SLC24A2: variants seen among roughly 807,000 people sequenced by gnomAD.
The protein encoded by SLC24A2 is solute carrier family 24 member 2.
SLC24A2 carries 36 observed loss-of-function variants against 62.0 expected under a neutral mutation model. The observed-to-expected ratio is 0.58, with a 90% CI of 0.44 to 0.77. The LOEUF (loss-of-function observed/expected upper bound fraction) is 0.77, where lower values mean the gene tolerates loss of function less well. SLC24A2 is among the 30% of genes least tolerant of loss of function. The pLI is 0.00. For synonymous variants in SLC24A2, 358 were observed against 294.0 expected (o/e 1.22, Z -2.23); for missense variants, 846 against 817.9 (o/e 1.03, Z -0.42).
chr9:20,004,687 T>C, the SLC24A2 span, among the ~76,000 whole-genome samples: 1 of 152,254 alleles, frequency 6.6e-6, no homozygotes, highest in Admixed American at 6.5e-5. Context: ...TTTGGTTTTG[T>C]ATATGTGTTC....
Position 19,631,113 on chromosome 9 carries a change from A to G in SLC24A2, c.931-8814T>C, listed in dbSNP as rs191919292. On this transcript the variant is annotated intron_variant, in intron 2 of 10. Transcript: ENST00000341998. ...GAGCACCCTTCTGAGGGCAGAGACCATGTCTATTTCATTTGATATTATTCC... is the reference window on the plus strand; with the variant it reads ...GAGCACCCTTCTGAGGGCAGAGACCGTGTCTATTTCATTTGATATTATTCC... 2.4e-3 allele frequency among the ~76,000 whole-genome samples: 370 copies of G among 152,288 alleles called. 2 individuals carry two copies. Among genetic ancestry groups the G allele is most frequent in the Non-Finnish European group, 3.7e-3 (254 of 68,030 alleles).
At chr9:19,730,945 C>A (rs933079690) in intron 2 of SLC24A2, among the ~76,000 whole-genome samples, 1 of 151,902 alleles carries the variant, frequency 6.6e-6, no homozygotes, top group African/African-American at 2.4e-5. Context: ...ATCTTTCAAG[C>A]ACCTGACCTA....
intron 7 of SLC24A2, among the ~76,000 whole-genome samples, chr9:19,565,169 A>G (rs1835595586): frequency 1.3e-5 from 2 of 152,142 alleles, no homozygotes; most frequent in Admixed American, 1.3e-4. Context: ...AGGAAGTCAA[A>G]TTGTCCCTGT....
At chr9:19,995,454 GC>G in the SLC24A2 span, among the ~76,000 whole-genome samples, 1 of 152,078 alleles carries the variant, frequency 6.6e-6, no homozygotes, top group Non-Finnish European at 1.5e-5. Context: ...CATCCTATGA[GC>G]CACAGGACTT....
chr9:19,854,223 CTATT>C, the SLC24A2 span, among the ~76,000 whole-genome samples: 1 of 151,964 alleles, frequency 6.6e-6, no homozygotes, highest in African/African-American at 2.4e-5. Context: ...AGCAGTCTAT[CTATT>C]TGATTAATTT....
chr9:19,771,995 C>A (rs1388279560), intron 2 of SLC24A2, among the ~76,000 whole-genome samples: 2 of 152,162 alleles, frequency 1.3e-5, no homozygotes, highest in Non-Finnish European at 2.9e-5. Context: ...GACAGCAAAA[C>A]AGGCAAAGTT....
chr9:20,196,416 G>A, the SLC24A2 span, among the ~76,000 whole-genome samples: 48 of 152,296 alleles, frequency 3.2e-4, no homozygotes, highest in East Asian at 9.6e-4. Context: ...ACATAGGCTG[G>A]ATATTTTGCT....
the SLC24A2 span, among the ~76,000 whole-genome samples, chr9:20,147,727 GGTCA>G: frequency 0.022 from 3,306 of 152,046 alleles, 198 homozygotes; most frequent in East Asian, 0.2. Context: ...GATGGCCCGT[GGTCA>G]GTATCAACTC....
At chr9:19,950,843 A>C in the SLC24A2 span, among the ~76,000 whole-genome samples, 1 of 152,072 alleles carries the variant, frequency 6.6e-6, no homozygotes, top group Non-Finnish European at 1.5e-5. Context: ...GGAAGTGAAA[A>C]ATAGATTGAA....
At chr9:20,229,600 A>G in the SLC24A2 span, among the ~76,000 whole-genome samples, 1 of 152,120 alleles carries the variant, frequency 6.6e-6, no homozygotes, top group Non-Finnish European at 1.5e-5. Flanking sequence ...ACATTTGTCA[A>G]CTTTTCCTTT....
rs574025748 is a variant in SLC24A2 at position 19,648,828 on chromosome 9, T to C, written c.931-26529A>G. On this transcript the variant is annotated intron_variant, in intron 2 of 10. Transcript: ENST00000341998. ...TTCAGTTTCACAGACTGAATCTGTA[T>C]GCAGTTTCACACAGACCACCCACGT... Among the ~76,000 whole-genome samples the C allele has an allele frequency of 5.3e-4, 80 of 152,194 alleles. 2 individuals carry two copies. The South Asian group carries it at 0.013, about 24-fold the overall frequency.
intron 2 of SLC24A2, among the ~76,000 whole-genome samples, chr9:19,754,067 C>T (rs977338635): frequency 1.3e-5 from 2 of 152,164 alleles, no homozygotes; most frequent in East Asian, 1.9e-4. Context: ...ATCCTTTCCA[C>T]AACATTAACA....
chr9:19,588,389 T>C (rs1000634379), intron 5 of SLC24A2, among the ~76,000 whole-genome samples: 1 of 152,134 alleles, frequency 6.6e-6, no homozygotes, highest in South Asian at 2.1e-4. Context: ...CAACTTGCAG[T>C]GTGCTTCTCA....
the SLC24A2 span, among the ~76,000 whole-genome samples, chr9:20,086,508 C>T: frequency 1.3e-5 from 2 of 152,166 alleles, no homozygotes; most frequent in Admixed American, 6.5e-5. Context: ...GTGTCACTTC[C>T]TTAACCACTG....
At chr9:20,162,962 G>T in the SLC24A2 span, among the ~76,000 whole-genome samples, 1 of 152,038 alleles carries the variant, frequency 6.6e-6, no homozygotes, top group Non-Finnish European at 1.5e-5. Context: ...AATAAATTAG[G>T]TATTGATGGG....
rs541221041 is a variant in SLC24A2, at chr9:19,652,909, A to G, written c.931-30610T>C. Among the ~76,000 whole-genome samples, 4 of 152,250 alleles carry G rather than the reference A, an allele frequency of 2.6e-5. No individual in the cohort carries two copies. The East Asian group carries it at 7.7e-4, about 29-fold the overall frequency. ...CCAGGCACTGTGATTATGTGAGCAGAACGATGAGACAAACCTTCTCTTCCA... is the reference window on the plus strand; with the variant it reads ...CCAGGCACTGTGATTATGTGAGCAGGACGATGAGACAAACCTTCTCTTCCA... On this transcript the variant is annotated intron_variant, in intron 2 of 10. Coordinates refer to ENST00000341998, the MANE Select transcript of SLC24A2 (RefSeq NM_020344.4).
At chr9:19,779,809 G>A (rs183568172) in intron 2 of SLC24A2, among the ~76,000 whole-genome samples, 1 of 152,238 alleles carries the variant, frequency 6.6e-6, no homozygotes, top group African/African-American at 2.4e-5. Flanking sequence ...CCTGTAATCC[G>A]AGCATTTTGG....
intron 2 of SLC24A2, among the ~76,000 whole-genome samples, chr9:19,700,312 G>A (rs907338349): frequency 6.6e-6 from 1 of 152,130 alleles, no homozygotes; most frequent in South Asian, 2.1e-4. Flanking sequence ...CTCAGTAAAT[G>A]TTAGCTTTCT....
chr9:19,628,437 C>G lies in SLC24A2; in HGVS notation c.931-6138G>C, dbSNP rs1587060921. Among the ~76,000 whole-genome samples the G allele has an allele frequency of 3.9e-5, 6 of 152,304 alleles. 1 individual carries two copies. Among genetic ancestry groups the G allele is most frequent in the African/African-American group, 1.4e-4 (6 of 41,570 alleles). ...TCAGGCTATTTCTGTACTTAGGATA[C>G]TAAGCACCAGTGTTAATTCACTTAA... On this transcript the variant is annotated intron_variant, in intron 2 of 10. Coordinates refer to ENST00000341998, the MANE Select transcript of SLC24A2 (RefSeq NM_020344.4).
Sources: allele counts gnomAD v4.1 joint callset (sites outside exome capture counted in the v4.1 genomes callset), GRCh38; gene constraint gnomAD v4.1.1; transcripts MANE v1.5; gene names NCBI Gene and HGNC (gene_info 2026-07-23, HGNC 2026-07-21).